Variants in TXNDC16 observed in about 807,000 individuals in gnomAD.
TXNDC16 encodes thioredoxin domain containing 16, also known as thioredoxin domain-containing protein 16.
TXNDC16 carries 74 observed loss-of-function variants against 85.6 expected under a neutral mutation model. That is an observed-to-expected ratio of 0.86 (90% confidence interval 0.72 to 1.05). The LOEUF (loss-of-function observed/expected upper bound fraction) is 1.05, where lower values mean the gene tolerates loss of function less well. Ranked by LOEUF, TXNDC16 falls within the 50% of genes least tolerant of loss-of-function variation. The probability of loss-of-function intolerance (pLI) is 0.00; values close to 1 mark genes in which losing one functional copy is unlikely to be tolerated. For synonymous variants in TXNDC16, 335 were observed against 326.5 expected (o/e 1.03, Z -0.28); for missense variants, 959 against 947.0 (o/e 1.01, Z -0.17).
intron 14 of TXNDC16, among the ~76,000 whole-genome samples, chr14:52,475,272 C>T (rs1254075256): frequency 6.6e-6 from 1 of 152,160 alleles, no homozygotes; most frequent in Non-Finnish European, 1.5e-5. Context: ...AAAAGGAAAC[C>T]TCCCCCTGAA....
At chr14:52,454,508 C>CT (rs2035484086) in intron 18 of TXNDC16, among the ~76,000 whole-genome samples, 1 of 150,042 alleles carries the variant, frequency 6.7e-6, no homozygotes, top group African/African-American at 2.4e-5. Flanking sequence ...AAATTAAAAA[C>CT]TTTTTTTAAA....
intron 20 of TXNDC16, among the ~76,000 whole-genome samples, chr14:52,434,310 C>T (rs996852805): frequency 6.6e-6 from 1 of 152,212 alleles, no homozygotes; most frequent in African/African-American, 2.4e-5. Flanking sequence ...ATGCCTGAAA[C>T]ATCCCAATTC....
At chr14:52,478,534 A>G (rs1398202721) in intron 14 of TXNDC16, among the ~76,000 whole-genome samples, 1 of 151,844 alleles carries the variant, frequency 6.6e-6, no homozygotes, top group Non-Finnish European at 1.5e-5. Flanking sequence ...ATCATTCAGA[A>G]CACCTTTGTG....
At position 52,536,712 on chromosome 14, in the gene TXNDC16, T is replaced by C. The variant is rs2037709104; in HGVS notation, c.392+7A>G. ...TAAACAAATGAATGTGTAGCCCCTG[T>C]ACTTACAAGAGAACATGGGCGACAA... On this transcript the variant is annotated splice_region_variant and intron_variant, in intron 6 of 20. Coordinates refer to ENST00000281741, the MANE Select transcript of TXNDC16 (RefSeq NM_020784.3). 3 of 1,604,750 alleles carry C rather than the reference T, an allele frequency of 1.9e-6. No individual in the cohort carries two copies. The highest frequency in any genetic ancestry group is 2.6e-6 in the Non-Finnish European group (3 of 1,174,172).
intron 18 of TXNDC16, among the ~76,000 whole-genome samples, chr14:52,450,853 TTA>T (rs71125107): frequency 0.41 from 58,693 of 143,748 alleles, 12,332 homozygotes; most frequent in Non-Finnish European, 0.5. Flanking sequence ...AAAATGTGTT[TTA>T]TATATATATA....
intron 7 of TXNDC16, 106 bp downstream of exon 7, chr14:52,519,066 T>C (rs1594748972): frequency 8.6e-7 from 1 of 1,160,032 alleles, no homozygotes; most frequent in East Asian, 2.5e-5. Context: ...GCTTTAGATT[T>C]ATTTTAAATA....
chr14:52,530,295 TA>T, intron 6 of TXNDC16, among the ~76,000 whole-genome samples: 2 of 57,650 alleles, frequency 3.5e-5, no homozygotes, highest in South Asian at 7.3e-4. Context: ...AATTATTATA[TA>T]TAATATTAAT....
At chr14:52,445,701 T>C (rs1163151440) in intron 18 of TXNDC16, among the ~76,000 whole-genome samples, 2 of 152,190 alleles carry the variant, frequency 1.3e-5, no homozygotes, top group African/African-American at 4.8e-5. Flanking sequence ...TATGTTTAGA[T>C]TCACAAATAT....
At chr14:52,519,137 G>A in intron 7 of TXNDC16, 35 bp downstream of exon 7, 1 of 1,591,562 alleles carries the variant, frequency 6.3e-7, no homozygotes, top group Non-Finnish European at 8.6e-7. Flanking sequence ...AAGTACAGAG[G>A]CACAGCAAAG....
intron 14 of TXNDC16, among the ~76,000 whole-genome samples, chr14:52,474,102 C>T (rs1398198246): frequency 6.6e-6 from 1 of 152,142 alleles, no homozygotes; most frequent in Non-Finnish European, 1.5e-5. Flanking sequence ...TGCTTAACTA[C>T]TTTTTTATTC....
intron 13 of TXNDC16, among the ~76,000 whole-genome samples, 194 bp downstream of exon 13, chr14:52,482,628 C>T (rs770138598): frequency 6.6e-6 from 1 of 152,064 alleles, no homozygotes; most frequent in Non-Finnish European, 1.5e-5. Context: ...AATCATTCAC[C>T]TTTAATTTGT....
chr14:52,530,935 T>C (rs1227018895), intron 6 of TXNDC16, among the ~76,000 whole-genome samples: 3 of 151,700 alleles, frequency 2.0e-5, no homozygotes, highest in Non-Finnish European at 4.4e-5. Flanking sequence ...AGAAAATACT[T>C]GTGAAAAATA....
In TXNDC16 at chr14:52,519,224, C is replaced by T. The variant is rs960242718; in HGVS notation, c.462G>A (p.Leu154=). Residue 154 remains leucine (L), a synonymous_variant, in exon 7 of 21, where the codon CTG becomes CTA. Transcript: ENST00000281741. ...LEDLQNIENA[L]KGKANIIFSY... ...AGAATATAATATTTGCTTTTCCTTT[C>T]AGAGCATTTTCTATGTTCTGAAGGT... is the stretch of plus-strand genomic sequence containing the variant. The T allele has an allele frequency of 1.2e-6, 2 of 1,610,942 alleles. No homozygotes were observed. The highest frequency in any genetic ancestry group is 8.5e-7 in the Non-Finnish European group (1 of 1,178,412).
intron 16 of TXNDC16, among the ~76,000 whole-genome samples, chr14:52,464,614 A>T (rs895675833): frequency 1.2e-4 from 18 of 151,036 alleles, no homozygotes; most frequent in South Asian, 4.2e-4. Flanking sequence ...TTTCATAAAA[A>T]TTTTTTTTTT....
intron 9 of TXNDC16, among the ~76,000 whole-genome samples, chr14:52,501,813 A>G (rs2036665201): frequency 6.6e-6 from 1 of 152,166 alleles, no homozygotes; most frequent in African/African-American, 2.4e-5. Flanking sequence ...TTAACCTCAA[A>G]TGTATTATTT....
At chr14:52,479,452 C>T (rs1181019850) in intron 14 of TXNDC16, among the ~76,000 whole-genome samples, 1 of 151,810 alleles carries the variant, frequency 6.6e-6, no homozygotes, top group Non-Finnish European at 1.5e-5. Context: ...AATGATAAAA[C>T]AATTCAGCAA....
chr14:52,519,662 G>A (rs2037165593), intron 6 of TXNDC16, among the ~76,000 whole-genome samples: 1 of 152,160 alleles, frequency 6.6e-6, no homozygotes, highest in African/African-American at 2.4e-5. Flanking sequence ...GGCCTATAAG[G>A]TCTGACAAGA....
chr14:52,439,093 T>C, intron 20 of TXNDC16, 111 bp downstream of exon 20: 1 of 1,150,220 alleles, frequency 8.7e-7, no homozygotes, highest in Non-Finnish European at 1.2e-6. Context: ...ACATGGATGA[T>C]GCTACCAGCA....
chr14:52,462,876 T>C, intron 16 of TXNDC16: 1 of 453,280 alleles, frequency 2.2e-6, no homozygotes, highest in African/African-American at 2.0e-5. Flanking sequence ...AGTGGAGTAC[T>C]CAGTTCTTCA....
Sources: allele counts gnomAD v4.1 joint callset (sites outside exome capture counted in the v4.1 genomes callset), GRCh38; gene constraint gnomAD v4.1.1; transcripts MANE v1.5; gene names NCBI Gene and HGNC (gene_info 2026-07-23, HGNC 2026-07-21).